The following EXOC4 variants were observed in gnomAD, a reference collection of about 807,000 sequenced individuals.
EXOC4 encodes SEC8-like 1.
A neutral mutation model predicts 107.2 loss-of-function variants in EXOC4; 71 were observed. The ratio of observed to expected loss-of-function variants is 0.66; its 90% CI spans 0.55 to 0.81. The LOEUF (loss-of-function observed/expected upper bound fraction) is 0.81. Among genes scored for constraint, EXOC4 ranks in the 30% least tolerant of loss-of-function variants. The probability of loss-of-function intolerance (pLI) is 0.00; values close to 1 mark genes in which losing one functional copy is unlikely to be tolerated. For synonymous variants in EXOC4, 456 were observed against 441.2 expected (o/e 1.03, Z -0.42); for missense variants, 1,108 against 1,189.6 (o/e 0.93, Z 1.01).
intron 7 of EXOC4, among the ~76,000 whole-genome samples, chr7:133,401,756 C>T (rs955791223): frequency 6.6e-6 from 1 of 151,744 alleles, no homozygotes; most frequent in African/African-American, 2.4e-5. Context: ...GTGATTTCTG[C>T]ATGATTTTCC....
chr7:134,092,325 A>G, the EXOC4 span, among the ~76,000 whole-genome samples: 1 of 152,176 alleles, frequency 6.6e-6, no homozygotes, highest in Non-Finnish European at 1.5e-5. Flanking sequence ...TAACAAAAAA[A>G]CTTATGAGAT....
intron 10 of EXOC4, among the ~76,000 whole-genome samples, chr7:133,794,523 C>T (rs1796773038): frequency 6.6e-6 from 1 of 152,180 alleles, no homozygotes; most frequent in South Asian, 2.1e-4. Flanking sequence ...TACCTGTTTT[C>T]CTGATTTTGA....
At chr7:133,792,752 A>G (rs1280512781) in intron 10 of EXOC4, among the ~76,000 whole-genome samples, 1 of 152,186 alleles carries the variant, frequency 6.6e-6, no homozygotes, top group East Asian at 1.9e-4. Flanking sequence ...ATGCATTTTT[A>G]TCCCAAAATG....
intron 14 of EXOC4, among the ~76,000 whole-genome samples, chr7:133,955,153 C>G (rs895853067): frequency 6.6e-6 from 1 of 152,194 alleles, no homozygotes; most frequent in Non-Finnish European, 1.5e-5. Flanking sequence ...CCCTGCCATT[C>G]GGCAGGTCCT....
At chr7:133,555,865 T>A (rs966481855) in intron 9 of EXOC4, among the ~76,000 whole-genome samples, 1 of 152,222 alleles carries the variant, frequency 6.6e-6, no homozygotes, top group Non-Finnish European at 1.5e-5. Context: ...CTGATAGAAA[T>A]AGGATGTGTG....
intron 9 of EXOC4, among the ~76,000 whole-genome samples, chr7:133,621,934 C>A (rs1802339172): frequency 6.9e-6 from 1 of 145,480 alleles, no homozygotes; most frequent in African/African-American, 2.6e-5. Flanking sequence ...CAAGAAAGGT[C>A]TGTTGACTAT....
chr7:133,842,451 T>C (rs1282702316), intron 11 of EXOC4, among the ~76,000 whole-genome samples: 1 of 152,214 alleles, frequency 6.6e-6, no homozygotes. Flanking sequence ...ATGTGTACTT[T>C]CAAAAAGTAT....
intron 9 of EXOC4, among the ~76,000 whole-genome samples, chr7:133,598,531 A>G (rs1342587610): frequency 6.6e-6 from 1 of 152,216 alleles, no homozygotes; most frequent in Non-Finnish European, 1.5e-5. Context: ...TAAATTAAAA[A>G]CTGACACTTG....
At chr7:133,924,051 C>T (rs1799998165) in intron 13 of EXOC4, among the ~76,000 whole-genome samples, 1 of 151,786 alleles carries the variant, frequency 6.6e-6, no homozygotes, top group South Asian at 2.1e-4. Flanking sequence ...TGGTTAGAGC[C>T]CTGAGTAGAA....
At chr7:133,906,936 C>G (rs1201874804) in intron 12 of EXOC4, among the ~76,000 whole-genome samples, 1 of 152,192 alleles carries the variant, frequency 6.6e-6, no homozygotes, top group African/African-American at 2.4e-5. Context: ...ACACTCACCG[C>G]ACAGCCCAAG....
rs118005191 is a variant in EXOC4, at chr7:133,290,399, A to G, written c.471+1283A>G. Among the ~76,000 whole-genome samples, 82 of 152,332 alleles carry G rather than the reference A, an allele frequency of 5.4e-4. No homozygotes were observed. The East Asian group carries it at 0.014, about 27-fold the overall frequency. On this transcript the variant is annotated intron_variant, in intron 3 of 17. Transcript: ENST00000253861. ...TCAAAGTGGCAGCTTCTTTAATAAT[A>G]ATGACTATAGGGTGTCTGATAGAAA...
At chr7:134,045,670 G>A (rs1795633557) in intron 17 of EXOC4, among the ~76,000 whole-genome samples, 2 of 152,082 alleles carry the variant, frequency 1.3e-5, no homozygotes, top group African/African-American at 4.8e-5. Flanking sequence ...GCAATTCATT[G>A]GTTCTTAGTA....
intron 9 of EXOC4, among the ~76,000 whole-genome samples, chr7:133,527,155 G>A (rs895378087): frequency 1.3e-5 from 2 of 152,078 alleles, no homozygotes; most frequent in African/African-American, 4.8e-5. Flanking sequence ...TGTAATCCCA[G>A]CATTTTGGGA....
intron 11 of EXOC4, among the ~76,000 whole-genome samples, chr7:133,886,948 G>A (rs1166092622): frequency 1.3e-5 from 2 of 152,182 alleles, no homozygotes; most frequent in Non-Finnish European, 2.9e-5. Context: ...TGAAGAGAAT[G>A]TAGTGATTGA....
At chr7:133,576,686 C>T (rs1235955485) in intron 9 of EXOC4, 7 of 1,289,520 alleles carry the variant, frequency 5.4e-6, no homozygotes, top group Admixed American at 2.3e-5. Flanking sequence ...CAATGGGAGC[C>T]GTGAAACCAT....
intron 17 of EXOC4, among the ~76,000 whole-genome samples, chr7:134,026,744 G>A (rs1003348890): frequency 3.9e-5 from 6 of 152,142 alleles, no homozygotes; most frequent in East Asian, 1.9e-4. Flanking sequence ...GGTTGAAATC[G>A]TTAGAGAAAA....
At position 133,630,158 on chromosome 7, in the gene EXOC4, GAT is replaced by G; in HGVS notation, c.1514+21_1514+22del. On this transcript the variant is annotated intron_variant, in intron 10 of 17. Transcript: ENST00000253861. ...ATTACTAAGGTAAGTCAAGTGCTAT[GAT>G]ATACTTACTGAAGATCAATATTTTC... 2.6e-6 allele frequency: 4 copies of G among 1,555,106 alleles called. No homozygotes were observed. The highest frequency in any genetic ancestry group is 3.5e-6 in the Non-Finnish European group (4 of 1,126,796).
intron 17 of EXOC4, among the ~76,000 whole-genome samples, chr7:134,013,831 G>A (rs1794829338): frequency 2.6e-5 from 4 of 152,092 alleles, no homozygotes; most frequent in Admixed American, 2.6e-4. Flanking sequence ...AAACCACAAT[G>A]AGACATCAGT....
chr7:133,617,351 G>T (rs954678234), intron 9 of EXOC4, among the ~76,000 whole-genome samples: 6 of 152,250 alleles, frequency 3.9e-5, no homozygotes, highest in Admixed American at 3.9e-4. Context: ...AGGGTTGCGT[G>T]AAGACTTCTC....
Sources: allele counts gnomAD v4.1 joint callset (sites outside exome capture counted in the v4.1 genomes callset), GRCh38; gene constraint gnomAD v4.1.1; transcripts MANE v1.5; gene names NCBI Gene and HGNC (gene_info 2026-07-23, HGNC 2026-07-21).